Variants in IQCE observed in about 807,000 individuals in gnomAD.
IQCE encodes IQ domain-containing protein E.
IQCE carries 115 observed loss-of-function variants against 96.0 expected under a neutral mutation model. The ratio of observed to expected loss-of-function variants is 1.20; its 90% CI spans 1.03 to 1.40. The LOEUF is 1.40. Ranked by LOEUF, IQCE falls within the 40% of genes most tolerant of loss-of-function variation. The pLI is 0.00. For synonymous variants in IQCE, 412 were observed against 371.2 expected, an observed-to-expected ratio of 1.11 and a Z score of -1.26; for missense variants, 1,041 against 909.1, an observed-to-expected ratio of 1.15 and a Z score of -1.87.
intron 1 of IQCE, 191 bp downstream of exon 1, chr7:2,559,408 C>A: frequency 3.3e-6 from 1 of 306,892 alleles, no homozygotes; most frequent in Non-Finnish European, 5.9e-6. Context: ...CCTGCAGCCT[C>A]GCCCGCGCCC....
intron 19 of IQCE, 119 bp downstream of exon 19, chr7:2,605,110 C>T (rs1254443048): frequency 2.1e-5 from 15 of 697,810 alleles, no homozygotes; most frequent in Middle Eastern, 2.8e-4. Context: ...GCCCAGCAGG[C>T]GTCCCCTGCG....
intron 13 of IQCE, among the ~76,000 whole-genome samples, chr7:2,588,657 T>TG: frequency 9.9e-6 from 1 of 100,694 alleles, no homozygotes; most frequent in African/African-American, 3.8e-5. Context: ...CTGGCTGGTT[T>TG]TTTTTTTTTT....
In IQCE at chr7:2,610,315, G is replaced by A; in HGVS notation, c.*153G>A. 1.6e-6 allele frequency: 1 copy of A among 612,574 alleles called. No homozygotes were observed. Among genetic ancestry groups the A allele is most frequent in the East Asian group, 2.8e-5 (1 of 35,572 alleles). 37.9% of individuals were successfully genotyped at this position (612,574 alleles called of 1,614,324 possible). ...GTGTCTCTTTGTGCTTTTGTTTGTG[G>A]AAGGAGACCCAAATGCCTTTACTTT... On this transcript the variant is annotated 3_prime_UTR_variant, in exon 22 of 22. Coordinates refer to ENST00000402050, the MANE Select transcript of IQCE (RefSeq NM_152558.5).
chr7:2,571,606 C>A lies in IQCE; in HGVS notation c.211C>A (p.Arg71=), dbSNP rs755568446. 1 of 1,601,992 alleles carries A rather than the reference C, an allele frequency of 6.2e-7. No homozygotes were observed. Among genetic ancestry groups the A allele is most frequent in the African/African-American group, 1.3e-5 (1 of 74,884 alleles). The change falls in exon 4 of 22, where the codon CGA becomes AGA. Residue 71 remains arginine, a synonymous_variant. Coordinates refer to ENST00000402050, the MANE Select transcript of IQCE (RefSeq NM_152558.5). The part of the protein sequence containing the change: ...RTAGSMPLGG[R]ASLTPQKLWL... Reference sequence around the variant, plus strand: ...GGCAGGGAGCATGCCTCTGGGCGGCCGAGCGTCCCTGACCCCGCAGAAGCT... The same window carrying A: ...GGCAGGGAGCATGCCTCTGGGCGGCAGAGCGTCCCTGACCCCGCAGAAGCT...
At chr7:2,582,671 T>C in intron 9 of IQCE, 21 bp downstream of exon 9, 1 of 1,603,480 alleles carries the variant, frequency 6.2e-7, no homozygotes, top group Non-Finnish European at 8.5e-7. Context: ...GGCTGCACCC[T>C]CTCCCCTGCC....
intron 15 of IQCE, among the ~76,000 whole-genome samples, chr7:2,594,490 G>T (rs1485896135): frequency 6.6e-6 from 1 of 152,194 alleles, no homozygotes; most frequent in Non-Finnish European, 1.5e-5. Flanking sequence ...AAATGCTTGG[G>T]CTCAAGCGAT....
At chr7:2,572,427 C>A in intron 5 of IQCE, 101 bp downstream of exon 5, 1 of 1,282,808 alleles carries the variant, frequency 7.8e-7, no homozygotes, top group Non-Finnish European at 1.1e-6. Context: ...GGATTTCTGG[C>A]TTCGTGCATG....
In IQCE at chr7:2,584,250, G is replaced by C; in HGVS notation, c.789G>C (p.Gln263His). The C allele has an allele frequency of 6.2e-7, 1 of 1,614,084 alleles. No individual in the cohort carries two copies. Among genetic ancestry groups the C allele is most frequent in the Non-Finnish European group, 8.5e-7 (1 of 1,179,914 alleles). Residue 263 changes from glutamine (Q) to histidine (H), a missense_variant, in exon 11 of 22, where the codon CAG becomes CAC. Physicochemically the swap from Gln to His is conservative, Grantham distance 24. Transcript: ENST00000402050. Reference sequence around the variant, plus strand: ...GGTATTTACAGGTGCATCGTCTCCAGACCCTCTTGGCAAGTTCTGAAACCA... The same window carrying C: ...GGTATTTACAGGTGCATCGTCTCCACACCCTCTTGGCAAGTTCTGAAACCA... ...ETYYEEVHRLQTLLASSETTG... is the reference protein window; with the variant it reads ...ETYYEEVHRLHTLLASSETTG...
intron 16 of IQCE, among the ~76,000 whole-genome samples, chr7:2,595,757 G>T (rs1202985868): frequency 1.4e-5 from 2 of 142,122 alleles, no homozygotes; most frequent in African/African-American, 2.7e-5. Flanking sequence ...TCGCAGCCAT[G>T]CTCCGGTCAC....
chr7:2,578,656 C>G, intron 8 of IQCE, 130 bp downstream of exon 8: 1 of 981,116 alleles, frequency 1.0e-6, no homozygotes, highest in Non-Finnish European at 1.6e-6. Flanking sequence ...TGCGGACCCC[C>G]AAACCCTTCT....
At chr7:2,571,972 G>A (rs1039436559) in intron 4 of IQCE, among the ~76,000 whole-genome samples, 1 of 152,088 alleles carries the variant, frequency 6.6e-6, no homozygotes, top group Non-Finnish European at 1.5e-5. Context: ...ATTAGACATG[G>A]TAGAAATATG....
chr7:2,613,536 G>A lies in IQCE; in HGVS notation c.*3374G>A, dbSNP rs1022404440. On this transcript the variant is annotated 3_prime_UTR_variant, in exon 22 of 22. Transcript: ENST00000402050. ...CAGAAGCCAGGGACAGACTGCCGAC[G>A]ATTACCAAACTGAATCCAGGCAGTG... The A allele has an allele frequency of 6.6e-6, 1 of 152,250 alleles. No individual in the cohort carries two copies. Among genetic ancestry groups the A allele is most frequent in the Non-Finnish European group, 1.5e-5 (1 of 68,042 alleles). 9.4% of individuals were successfully genotyped at this position (152,250 alleles called of 1,614,324 possible).
At chr7:2,581,972 A>G (rs1782702551) in intron 8 of IQCE, 1 of 425,766 alleles carries the variant, frequency 2.3e-6, no homozygotes, top group African/African-American at 2.1e-5. Context: ...TCGGCCTCCC[A>G]AAGTGCTGGG....
chr7:2,605,785 C>A (rs1784772193), intron 19 of IQCE, 91 bp from the exon 20 acceptor site: 4 of 1,328,310 alleles, frequency 3.0e-6, no homozygotes, highest in Middle Eastern at 2.7e-4. Context: ...CTTCCTGTCT[C>A]CCTGACGCCC....
At chr7:2,592,034 G>C (rs1783635202) in intron 14 of IQCE, among the ~76,000 whole-genome samples, 1 of 149,960 alleles carries the variant, frequency 6.7e-6, no homozygotes, top group Non-Finnish European at 1.5e-5. Flanking sequence ...ACCCGGGCCT[G>C]CCTCGGCCTC....
intron 14 of IQCE, among the ~76,000 whole-genome samples, chr7:2,591,707 G>C (rs1225455023): frequency 6.7e-6 from 1 of 148,398 alleles, no homozygotes; most frequent in Non-Finnish European, 1.5e-5. Flanking sequence ...TGCAAACTCT[G>C]CCTCCCCAGT....
intron 1 of IQCE, among the ~76,000 whole-genome samples, chr7:2,560,259 A>G (rs1562611465): frequency 6.6e-6 from 1 of 152,262 alleles, no homozygotes; most frequent in Non-Finnish European, 1.5e-5. Context: ...AAAAAAAAAG[A>G]AAGCCCGTTG....
chr7:2,578,892 C>T (rs1281836380), intron 8 of IQCE, among the ~76,000 whole-genome samples: 2 of 152,148 alleles, frequency 1.3e-5, no homozygotes, highest in East Asian at 3.8e-4. Flanking sequence ...GAAACCCTGT[C>T]TCTACTAAAA....
At chr7:2,570,703 C>G (rs959394556) in intron 3 of IQCE, among the ~76,000 whole-genome samples, 2 of 152,172 alleles carry the variant, frequency 1.3e-5, no homozygotes, top group African/African-American at 4.8e-5. Context: ...CGTTTATTAT[C>G]TTTTTTATAC....
Sources: gnomAD v4.1 joint callset for allele counts (sites outside exome capture counted in the v4.1 genomes callset) on GRCh38, gnomAD v4.1.1 for gene constraint, MANE v1.5 for transcripts, NCBI Gene and HGNC (gene_info 2026-07-23, HGNC 2026-07-21) for gene names.